Variants in PRKDC observed in about 807,000 individuals in gnomAD.
The protein encoded by PRKDC is DNA-dependent protein kinase catalytic subunit.
A neutral mutation model predicts 486.9 loss-of-function variants in PRKDC; 82 were observed. The observed-to-expected ratio is 0.17, with a 90% CI of 0.14 to 0.20. The LOEUF (loss-of-function observed/expected upper bound fraction) is 0.20. Ranked by LOEUF, PRKDC falls within the 10% of genes least tolerant of loss-of-function variation. The pLI is 1.00. For synonymous variants in PRKDC, 1,895 were observed against 1,837.0 expected, an observed-to-expected ratio of 1.03 and a Z score of -0.81; for missense variants, 4,504 against 5,038.2, an observed-to-expected ratio of 0.89 and a Z score of 3.21.
chr8:47,876,660 C>CAAA (rs777302610), intron 40 of PRKDC, among the ~76,000 whole-genome samples: 1 of 129,864 alleles, frequency 7.7e-6, no homozygotes, highest in Non-Finnish European at 1.7e-5. Context: ...GACTCTGTCT[C>CAAA]AAAAAAAAAA....
In PRKDC at chr8:47,903,023, T is replaced by C. The variant is rs917232218; in HGVS notation, c.3043-228A>G. On this transcript the variant is annotated intron_variant, in intron 26 of 85. Coordinates refer to ENST00000314191, the MANE Select transcript of PRKDC (RefSeq NM_006904.7). ...ATGAAAACATTTTCTTTTAAACAAATTAATAAACTGAAAAGCCATGAAGAG... is the reference window on the plus strand; with the variant it reads ...ATGAAAACATTTTCTTTTAAACAAACTAATAAACTGAAAAGCCATGAAGAG... Among the ~76,000 whole-genome samples the C allele has an allele frequency of 4.6e-5, 7 of 152,216 alleles. No individual in the cohort carries two copies. In the East Asian group the frequency reaches 1.3e-3, roughly 29 times the overall value.
Position 47,830,700 on chromosome 8 carries a change from G to C in PRKDC, c.8302C>G (p.Gln2768Glu). ...CGGTAGCTTCTGTACAGAACGACCT[G>C]GGCATCCTGCTTCATTTTTAACTCA... Reference protein sequence around the residue: ...KSELKMKQDAQVVLYRSYRHG... With the variant: ...KSELKMKQDAEVVLYRSYRHG... Residue 2768 changes from glutamine to glutamate, a missense_variant, in exon 61 of 86, where the codon CAG becomes GAG. Around this residue, in one of 6 missense-constraint regions of PRKDC, gnomAD observed 1,592 missense variants for 1,724.6 expected, o/e 0.92. Coordinates refer to ENST00000314191, the MANE Select transcript of PRKDC (RefSeq NM_006904.7). 1.2e-6 allele frequency: 2 copies of C among 1,613,900 alleles called. No individual in the cohort carries two copies. The highest frequency in any genetic ancestry group is 1.7e-6 in the Non-Finnish European group (2 of 1,179,878).
In PRKDC at chr8:47,881,949, T is replaced by A; in HGVS notation, c.4925A>T (p.Lys1642Ile). ...TGCCAGTAAGGCCAGCACTGCCATTTTAGTTTCGAGAGGGGAATCTTTGGC... is the reference window on the plus strand; with the variant it reads ...TGCCAGTAAGGCCAGCACTGCCATTATAGTTTCGAGAGGGGAATCTTTGGC... ...WWAKDSPLET[K>I]MAVLALLAKI... The change falls in exon 37 of 86, where the codon AAA becomes ATA. Residue 1642 changes from lysine to isoleucine, a missense_variant. By Grantham distance (102) the Lys-to-Ile change is moderately radical. Transcript: ENST00000314191. 2 of 1,613,608 alleles carry A rather than the reference T, an allele frequency of 1.2e-6. No homozygotes were observed. Among genetic ancestry groups the A allele is most frequent in the Non-Finnish European group, 1.7e-6 (2 of 1,179,688 alleles).
intron 10 of PRKDC, 115 bp from the exon 11 acceptor site, chr8:47,939,812 C>T (rs2090413492): frequency 1.1e-6 from 1 of 932,320 alleles, no homozygotes; most frequent in Admixed American, 3.3e-5. Context: ...TAGTTACACG[C>T]AATTGCTTTT....
rs190830307 is a variant in PRKDC, at chr8:47,917,132, G to A, written c.2526+1145C>T. Reference sequence around the variant, plus strand: ...TAGCTGGGCATAGTGGCACATGCCTGTGGTCCCAGCTACTCGGGTGGCTGA... The same window carrying A: ...TAGCTGGGCATAGTGGCACATGCCTATGGTCCCAGCTACTCGGGTGGCTGA... On this transcript the variant is annotated intron_variant, in intron 22 of 85. Transcript: ENST00000314191. Among the ~76,000 whole-genome samples the A allele has an allele frequency of 1.8e-3, 273 of 152,254 alleles. 1 individual carries two copies. Among genetic ancestry groups the A allele is most frequent in the African/African-American group, 6.4e-3 (267 of 41,540 alleles).
At position 47,840,045 on chromosome 8, in the gene PRKDC, A is replaced by T; in HGVS notation, c.7425T>A (p.Asn2475Lys). The change falls in exon 55 of 86, where the codon AAT (asparagine) becomes AAA (lysine). Residue 2475 changes from asparagine to lysine, a missense_variant. By Grantham distance (94) the Asn-to-Lys change is moderately conservative. Coordinates refer to ENST00000314191, the MANE Select transcript of PRKDC (RefSeq NM_006904.7). ...PSTTCREQMY[N>K]ILMWIHDNYR... The stretch of plus-strand genomic sequence containing the variant: ...AATTATCATGAATCCACATGAGAAT[A>T]TTATACATTTGTTCCCTACATGTTG... 6.5e-7 allele frequency: 1 copy of T among 1,548,422 alleles called. No homozygotes were observed. The highest frequency in any genetic ancestry group is 8.7e-7 in the Non-Finnish European group (1 of 1,145,132).
chr8:47,918,607 G>A (rs566216982), intron 21 of PRKDC, among the ~76,000 whole-genome samples: 134 of 152,268 alleles, frequency 8.8e-4, no homozygotes, highest in Non-Finnish European at 1.3e-3. Context: ...CTCCAGGGTC[G>A]AGAAGAGCAT....
intron 71 of PRKDC, among the ~76,000 whole-genome samples, chr8:47,800,057 T>C (rs1001145262): frequency 5.3e-5 from 8 of 152,252 alleles, no homozygotes; most frequent in Admixed American, 3.9e-4. Flanking sequence ...GCACGGAGTA[T>C]GTCAATTTTC....
chr8:47,837,143 C>G, intron 57 of PRKDC, 69 bp downstream of exon 57: 1 of 1,419,628 alleles, frequency 7.0e-7, no homozygotes, highest in Non-Finnish European at 9.7e-7. Flanking sequence ...CCAGTCAAAG[C>G]TATTAAAAAT....
In PRKDC at chr8:47,882,109, T is replaced by G. The variant is rs1486571021; in HGVS notation, c.4777-12A>C. ...AAAACGGCACTCACCTGAGACAATTTCGTTGTGAGTGAAGAAAAATTCTTA... is the reference window on the plus strand; with the variant it reads ...AAAACGGCACTCACCTGAGACAATTGCGTTGTGAGTGAAGAAAAATTCTTA... On this transcript the variant is annotated splice_polypyrimidine_tract_variant and intron_variant, in intron 36 of 85. Transcript: ENST00000314191. 5.0e-6 allele frequency: 8 copies of G among 1,584,450 alleles called. No individual in the cohort carries two copies. Among genetic ancestry groups the G allele is most frequent in the Non-Finnish European group, 6.9e-6 (8 of 1,165,646 alleles).
chr8:47,909,431 T>A (rs371407557), intron 25 of PRKDC, among the ~76,000 whole-genome samples: 1 of 152,206 alleles, frequency 6.6e-6, no homozygotes, highest in Non-Finnish European at 1.5e-5. Flanking sequence ...CTTCGTAAGC[T>A]GAGAATGTAC....
rs752421559 is a variant in PRKDC, at chr8:47,862,506, C to T, written c.5786G>A (p.Gly1929Glu). The stretch of plus-strand genomic sequence containing the variant: ...TCTCCTCTCCAGCAGCTGATTCTCT[C>T]CTGCCATGTTCTCTGTAAATGCATC... ...CYDAFTENMA[G>E]ENQLLERRRL... Residue 1929 changes from glycine (G) to glutamate (E), a missense_variant, in exon 43 of 86, where the codon GGA (glycine) becomes GAA (glutamate). Coordinates refer to ENST00000314191, the MANE Select transcript of PRKDC (RefSeq NM_006904.7). The T allele has an allele frequency of 1.2e-6, 2 of 1,613,268 alleles. No homozygotes were observed.
chr8:47,823,810 A>G, intron 64 of PRKDC, 48 bp downstream of exon 64: 1 of 1,604,442 alleles, frequency 6.2e-7, no homozygotes, highest in Non-Finnish European at 8.5e-7. Context: ...TCAGCAGAAA[A>G]CAAAAGTGTT....
intron 40 of PRKDC, among the ~76,000 whole-genome samples, chr8:47,872,501 T>TAAA (rs748681244): frequency 3.1e-4 from 23 of 74,114 alleles, no homozygotes; most frequent in African/African-American, 7.7e-4. Flanking sequence ...TATAAAAAAG[T>TAAA]AAAAAAAAAA....
At chr8:47,910,552 G>A (rs1039360106) in intron 25 of PRKDC, among the ~76,000 whole-genome samples, 1 of 152,104 alleles carries the variant, frequency 6.6e-6, no homozygotes, top group Non-Finnish European at 1.5e-5. Flanking sequence ...TACTCCATAA[G>A]GCCACTTTTC....
chr8:47,892,993 C>A lies in PRKDC; in HGVS notation c.3847+146G>T, dbSNP rs868626678. On this transcript the variant is annotated intron_variant, in intron 31 of 85. Transcript: ENST00000314191. The stretch of plus-strand genomic sequence containing the variant: ...CAACTTTGAAGTGTGAAGAATGGAA[C>A]CCTTGCAGAGAAGTGACATGAAAGC... 1.0e-5 allele frequency: 9 copies of A among 877,120 alleles called. No individual in the cohort carries two copies. The Admixed American group carries it at 1.9e-4, about 19-fold the overall frequency. 54.3% of individuals were successfully genotyped at this position (877,120 alleles called of 1,614,324 possible).
Position 47,862,388 on chromosome 8 carries a change from A to C in PRKDC, c.5904T>G (p.Ser1968Arg), listed in dbSNP as rs1563772906. Reference protein sequence around the residue: ...ELKFYQGFLFSEKPEKNLLIF... With the variant: ...ELKFYQGFLFREKPEKNLLIF... ...AGTGGCCTACCTTTTCTGGTTTTTC[A>C]CTAAACAGAAAACCTTGGTAAAATT... Residue 1968 changes from serine to arginine, a missense_variant, in exon 43 of 86, where the codon AGT (serine) becomes AGG (arginine). Transcript: ENST00000314191. 6.2e-7 allele frequency: 1 copy of C among 1,613,952 alleles called. No individual in the cohort carries two copies. The highest frequency in any genetic ancestry group is 8.5e-7 in the Non-Finnish European group (1 of 1,179,836).
Position 47,885,951 on chromosome 8 carries a change from G to T in PRKDC, c.4769C>A (p.Thr1590Asn), listed in dbSNP as rs2089318653. 1 of 1,611,946 alleles carries T rather than the reference G, an allele frequency of 6.2e-7. No homozygotes were observed. The highest frequency in any genetic ancestry group is 8.5e-7 in the Non-Finnish European group (1 of 1,178,372). Residue 1590 changes from threonine to asparagine, a missense_variant, in exon 36 of 86, where the codon ACC becomes AAC. Thr to Asn is a moderately conservative substitution (Grantham distance 65). Around this residue, in one of 6 missense-constraint regions of PRKDC, gnomAD observed 1,969 missense variants for 2,068.9 expected, o/e 0.95. Transcript: ENST00000314191. ...LELMQSSVDN[T>N]KMVSAVLNGM... ...AAAGGGAAACTTTGTTACCATTTTGGTATTATCCACTGAAGACTGCATGAG... is the reference window on the plus strand; with the variant it reads ...AAAGGGAAACTTTGTTACCATTTTGTTATTATCCACTGAAGACTGCATGAG...
chr8:47,935,938 G>C (rs745877372), intron 12 of PRKDC, 38 bp from the exon 13 acceptor site: 1 of 1,558,208 alleles, frequency 6.4e-7, no homozygotes, highest in South Asian at 1.1e-5. Context: ...GTTAGAGGAG[G>C]TAATCAATGA....
Sources: gnomAD v4.1 joint callset for allele counts (sites outside exome capture counted in the v4.1 genomes callset) on GRCh38, gnomAD v4.1.1 for gene constraint, gnomAD v4.1.1 regional missense constraint, MANE v1.5 for transcripts, NCBI Gene and HGNC (gene_info 2026-07-23, HGNC 2026-07-21) for gene names.